The following ACOT1 variants were observed in gnomAD, a reference collection of about 807,000 sequenced individuals.
ACOT1 encodes acyl-coenzyme A thioesterase 1.
ACOT1 carries 8 observed loss-of-function variants against 15.7 expected under a neutral mutation model. The observed-to-expected ratio is 0.51, with a 90% CI of 0.30 to 0.92. The LOEUF (loss-of-function observed/expected upper bound fraction) is 0.92. Among genes scored for constraint, ACOT1 ranks in the 40% least tolerant of loss-of-function variants. ACOT1 has a pLI of 0.06. For synonymous variants in ACOT1, 67 were observed against 241.2 expected (o/e 0.28, Z 6.69); for missense variants, 151 against 539.4 (o/e 0.28, Z 7.13).
chr14:73,506,146 C>T, the ACOT1 span, among the ~76,000 whole-genome samples: 1 of 152,134 alleles, frequency 6.6e-6, no homozygotes, highest in Non-Finnish European at 1.5e-5. Context: ...GCCTTGGCCT[C>T]CCCAAGTGCT....
chr14:73,513,271 C>G, the ACOT1 span, among the ~76,000 whole-genome samples: 1 of 152,164 alleles, frequency 6.6e-6, no homozygotes, highest in Admixed American at 6.5e-5. Flanking sequence ...CCAGCCTGGC[C>G]AACATGGTGA....
At chr14:73,519,629 A>C in the ACOT1 span, among the ~76,000 whole-genome samples, 1 of 152,222 alleles carries the variant, frequency 6.6e-6, no homozygotes, top group Admixed American at 6.5e-5. Context: ...AGGCTGAGGC[A>C]GGAGAATCAG....
the ACOT1 span, among the ~76,000 whole-genome samples, chr14:73,528,371 G>C: frequency 0.11 from 12,060 of 113,362 alleles, 653 homozygotes; most frequent in Middle Eastern, 0.23. Context: ...CAGCCTGGAC[G>C]ACAAGAGCGA....
the ACOT1 span, chr14:73,495,190 A>T: frequency 6.3e-7 from 1 of 1,579,174 alleles, no homozygotes; most frequent in Non-Finnish European, 8.6e-7. Flanking sequence ...GGCTTATTAA[A>T]GGAATCAAGG....
the ACOT1 span, among the ~76,000 whole-genome samples, chr14:73,524,310 A>AAAAAAAAAATATATAT: frequency 3.3e-4 from 18 of 54,766 alleles, no homozygotes; most frequent in African/African-American, 1.4e-3. Context: ...AAAAAAAAAA[A>AAAAAAAAAATATATAT]ATATATATAT....
chr14:73,519,092 T>C, the ACOT1 span: 1 of 1,614,070 alleles, frequency 6.2e-7, no homozygotes, highest in East Asian at 2.2e-5. Flanking sequence ...AGCTGCTTGT[T>C]GTACCGATTT....
the ACOT1 span, among the ~76,000 whole-genome samples, chr14:73,512,800 T>C: frequency 6.6e-6 from 1 of 152,248 alleles, no homozygotes; most frequent in African/African-American, 2.4e-5. Flanking sequence ...TCCTATTATC[T>C]GTAGGTGTTT....
chr14:73,508,118 G>T, the ACOT1 span: 1 of 1,611,600 alleles, frequency 6.2e-7, no homozygotes, highest in Non-Finnish European at 8.5e-7. Flanking sequence ...TGTCTGACCC[G>T]GTAATGGACA....
chr14:73,535,484 T>C (rs1462406574), upstream of ACOT1, among the ~76,000 whole-genome samples: 24,868 of 51,044 alleles, frequency 0.49, 8,738 homozygotes, highest in Admixed American at 0.55. Context: ...TTTTTTTTTT[T>C]TTTTTTTTTT....
At chr14:73,492,495 C>T in the ACOT1 span, 1 of 1,613,522 alleles carries the variant, frequency 6.2e-7, no homozygotes, top group Non-Finnish European at 8.5e-7. The surrounding 1 kb of genome is among the most constrained non-coding windows in gnomAD (Gnocchi z 4.9). Context: ...CACTTTGCTC[C>T]TGTTGATGCT....
At chr14:73,505,871 C>T in the ACOT1 span, among the ~76,000 whole-genome samples, 1 of 145,494 alleles carries the variant, frequency 6.9e-6, no homozygotes, top group Non-Finnish European at 1.5e-5. Context: ...GAGGCAATAT[C>T]AAATTACTAT....
chr14:73,535,592 C>T (rs753578974), upstream of ACOT1, among the ~76,000 whole-genome samples: 14 of 103,886 alleles, frequency 1.3e-4, 3 homozygotes, highest in Non-Finnish European at 2.8e-4. Context: ...CCCCAGCCTC[C>T]CGAGTAGCTG....
the ACOT1 span, chr14:73,508,163 T>A: frequency 1.2e-6 from 2 of 1,614,146 alleles, no homozygotes; most frequent in Non-Finnish European, 1.7e-6. Context: ...CTCAGGAGGA[T>A]ATAAGACTGT....
upstream of ACOT1, among the ~76,000 whole-genome samples, chr14:73,535,651 G>GA (rs1888844566): frequency 9.2e-6 from 1 of 108,666 alleles, no homozygotes; most frequent in South Asian, 3.0e-4. Flanking sequence ...TGTATTTTTG[G>GA]TTTTTTTTTA....
chr14:73,491,484 C>T, the ACOT1 span: 2 of 1,498,874 alleles, frequency 1.3e-6, no homozygotes, highest in South Asian at 1.3e-5. Flanking sequence ...CAACACTTAG[C>T]GGCCGTCCAG....
At chr14:73,509,611 A>C in the ACOT1 span, 2 of 814,904 alleles carry the variant, frequency 2.5e-6, no homozygotes, top group Non-Finnish European at 3.8e-6. Context: ...ATTACAGTTT[A>C]GCTGAGCCCT....
chr14:73,494,631 G>C, the ACOT1 span, among the ~76,000 whole-genome samples: 1 of 152,078 alleles, frequency 6.6e-6, no homozygotes, highest in Non-Finnish European at 1.5e-5. Flanking sequence ...GGTTACTGCA[G>C]CCTCAACCTC....
chr14:73,523,277 T>C, the ACOT1 span: 3 of 880,436 alleles, frequency 3.4e-6, no homozygotes, highest in Non-Finnish European at 5.0e-6. Flanking sequence ...CAGAAATTGG[T>C]AGCCCATAGC....
chr14:73,492,790 A>G, the ACOT1 span: 1 of 1,613,940 alleles, frequency 6.2e-7, no homozygotes, highest in Non-Finnish European at 8.5e-7. This position sits in a 1 kb window ranked among gnomAD's most constrained non-coding sequence, Gnocchi z 4.9. Flanking sequence ...ACCCCCAGCA[A>G]GCTGATGCCA....
Sources: allele counts gnomAD v4.1 joint callset (sites outside exome capture counted in the v4.1 genomes callset), GRCh38; gene constraint gnomAD v4.1.1; non-coding constraint Gnocchi (gnomAD v3.1); transcripts MANE v1.5; gene names NCBI Gene and HGNC (gene_info 2026-07-23, HGNC 2026-07-21).